The following ACACA variants were observed in gnomAD, a reference collection of about 807,000 sequenced individuals.
ACACA encodes acetyl-CoA carboxylase alpha.
In ACACA, 103 loss-of-function variants were observed where a neutral mutation model predicts 296.1. The observed-to-expected ratio is 0.35, with a 90% CI of 0.30 to 0.41. ACACA has a LOEUF of 0.41. ACACA is among the 10% of genes least tolerant of loss of function. The probability of loss-of-function intolerance (pLI) is 1.00; values close to 1 mark genes in which losing one functional copy is unlikely to be tolerated. For synonymous variants in ACACA, 953 were observed against 1,038.6 expected, an observed-to-expected ratio of 0.92 and a Z score of 1.58; for missense variants, 1,554 against 2,989.7, an observed-to-expected ratio of 0.52 and a Z score of 11.20.
chr17:37,374,435 C>A (rs567070240), intron 1 of ACACA, among the ~76,000 whole-genome samples: 11 of 151,978 alleles, frequency 7.2e-5, no homozygotes, highest in Non-Finnish European at 1.6e-4. Context: ...TACAAACATG[C>A]GCCACCATGC....
Position 37,240,546 on chromosome 17 carries a change from T to C in ACACA, c.3051A>G (p.Arg1017=). 1.2e-6 allele frequency: 2 copies of C among 1,613,282 alleles called. No homozygotes were observed. Among genetic ancestry groups the C allele is most frequent in the Middle Eastern group, 1.6e-4 (1 of 6,062 alleles). Residue 1017 remains arginine (R), a synonymous_variant, in exon 24 of 56, where the codon CGA becomes CGG. Transcript: ENST00000616317. ...CCATCACCACAGCCTTCATGTGGCCTCGGATGCCACTTCGGTACCTAGGCA... is the reference window on the plus strand; with the variant it reads ...CCATCACCACAGCCTTCATGTGGCCCCGGATGCCACTTCGGTACCTAGGCA... ...QLVQRYRSGI[R]GHMKAVVMDL...
intron 1 of ACACA, among the ~76,000 whole-genome samples, chr17:37,363,179 C>CTTTTTTTTTTTTT (rs902746004): frequency 1.4e-4 from 10 of 72,854 alleles, no homozygotes; most frequent in African/African-American, 3.3e-4. Flanking sequence ...TTCTCTTTTT[C>CTTTTTTTTTTTTT]TTTTTTTTTT....
chr17:37,218,659 T>A (rs1379978449), intron 29 of ACACA, among the ~76,000 whole-genome samples: 3 of 152,176 alleles, frequency 2.0e-5, no homozygotes, highest in African/African-American at 7.2e-5. Context: ...CTCAGATAAT[T>A]TTGAGAATCA....
intron 48 of ACACA, 96 bp downstream of exon 48, chr17:37,125,602 G>T: frequency 8.9e-7 from 1 of 1,118,220 alleles, no homozygotes; most frequent in Non-Finnish European, 1.3e-6. Context: ...TTCAGACAAA[G>T]AGAACATTAT....
chr17:37,257,914 A>T (rs745549996), intron 13 of ACACA, 48 bp from the exon 14 acceptor site: 3 of 1,598,688 alleles, frequency 1.9e-6, no homozygotes, highest in Non-Finnish European at 2.6e-6. Flanking sequence ...TCGAAGGAAG[A>T]GAAGATTTAT....
chr17:37,089,576 T>C (rs1036250143), intron 54 of ACACA, among the ~76,000 whole-genome samples: 1 of 152,194 alleles, frequency 6.6e-6, no homozygotes, highest in Non-Finnish European at 1.5e-5. Context: ...TCTCCTGAAA[T>C]AGAGCCCACT....
At chr17:37,248,854 A>T (rs1309961794) in intron 16 of ACACA, among the ~76,000 whole-genome samples, 180 bp from the exon 17 acceptor site, 1 of 152,218 alleles carries the variant, frequency 6.6e-6, no homozygotes, top group Non-Finnish European at 1.5e-5. Flanking sequence ...GGATTTTTTT[A>T]AATTAGGGTA....
intron 50 of ACACA, among the ~76,000 whole-genome samples, chr17:37,119,276 C>T (rs2074403975): frequency 6.6e-6 from 1 of 152,056 alleles, no homozygotes; most frequent in African/African-American, 2.4e-5. Flanking sequence ...TTGCTCAAGA[C>T]ATTTTTCTTG....
At chr17:37,281,267 C>G (rs2082519255) in intron 5 of ACACA, among the ~76,000 whole-genome samples, 1 of 151,856 alleles carries the variant, frequency 6.6e-6, no homozygotes. Context: ...TCATGTTGAC[C>G]AGGCTGGTCC....
chr17:37,298,844 AGCAG>A (rs2083477729), intron 3 of ACACA, among the ~76,000 whole-genome samples: 1 of 152,216 alleles, frequency 6.6e-6, no homozygotes, highest in Non-Finnish European at 1.5e-5. Context: ...CCACAATTAC[AGCAG>A]GCACCTTTCC....
intron 44 of ACACA, 137 bp from the exon 45 acceptor site, chr17:37,150,111 C>T: frequency 8.4e-6 from 6 of 712,818 alleles, no homozygotes; most frequent in Non-Finnish European, 1.4e-5. Flanking sequence ...TTGACAACAA[C>T]ACACACACAC....
intron 33 of ACACA, among the ~76,000 whole-genome samples, chr17:37,204,386 G>A (rs931240065): frequency 6.6e-6 from 1 of 152,210 alleles, no homozygotes; most frequent in East Asian, 1.9e-4. Context: ...TCTAGTATTT[G>A]CTCTATCATC....
intron 24 of ACACA, among the ~76,000 whole-genome samples, chr17:37,239,053 T>G (rs1431944509): frequency 6.6e-6 from 1 of 152,066 alleles, no homozygotes; most frequent in Admixed American, 6.5e-5. Flanking sequence ...GGTCTCAAAC[T>G]CCTGGCCTCA....
intron 47 of ACACA, 50 bp from the exon 48 acceptor site, chr17:37,125,844 G>C: frequency 6.7e-7 from 1 of 1,503,692 alleles, no homozygotes; most frequent in Non-Finnish European, 9.2e-7. Flanking sequence ...TGAATCCATT[G>C]ACAATGTGCT....
At chr17:37,269,712 C>T (rs1318152966) in intron 10 of ACACA, among the ~76,000 whole-genome samples, 4 of 146,524 alleles carry the variant, frequency 2.7e-5, no homozygotes, top group Admixed American at 7.0e-5. Context: ...TAAGACTTTC[C>T]TTTTAACTCT....
intron 41 of ACACA, among the ~76,000 whole-genome samples, chr17:37,173,276 T>C (rs2076943736): frequency 6.6e-6 from 1 of 152,166 alleles, no homozygotes; most frequent in African/African-American, 2.4e-5. Flanking sequence ...ACCCAAGCAA[T>C]TCCTTTGAGG....
At chr17:37,406,049 C>G (rs887171755) in intron 1 of ACACA, among the ~76,000 whole-genome samples, 1 of 152,088 alleles carries the variant, frequency 6.6e-6, no homozygotes, top group African/African-American at 2.4e-5. Flanking sequence ...TTCCCCAGTA[C>G]TTCCTAGCAG....
chr17:37,171,510 T>C (rs2076882198), intron 41 of ACACA, among the ~76,000 whole-genome samples: 1 of 152,182 alleles, frequency 6.6e-6, no homozygotes, highest in Non-Finnish European at 1.5e-5. Context: ...AACATTGATA[T>C]CTGGCAAATA....
intron 41 of ACACA, among the ~76,000 whole-genome samples, chr17:37,169,798 C>G (rs1280015081): frequency 6.6e-6 from 1 of 152,128 alleles, no homozygotes; most frequent in Non-Finnish European, 1.5e-5. Context: ...TTCTCTTTCT[C>G]TCCAACATTT....
Sources: allele counts gnomAD v4.1 joint callset (sites outside exome capture counted in the v4.1 genomes callset), GRCh38; gene constraint gnomAD v4.1.1; transcripts MANE v1.5; gene names NCBI Gene and HGNC (gene_info 2026-07-23, HGNC 2026-07-21).